The following PLCB1 variants were observed in gnomAD, a reference collection of about 807,000 sequenced individuals.
PLCB1 encodes 1-phosphatidylinositol 4,5-bisphosphate phosphodiesterase beta-1.
PLCB1 carries 46 observed loss-of-function variants against 161.8 expected under a neutral mutation model. The observed-to-expected ratio is 0.28, with a 90% CI of 0.22 to 0.36. The LOEUF is 0.36. PLCB1 is among the 10% of genes least tolerant of loss of function. The pLI is 1.00. For missense variants in PLCB1, 1,016 were observed against 1,472.5 expected (o/e 0.69, Z 5.07); for synonymous variants, 517 against 503.7 (o/e 1.03, Z -0.35).
At chr20:8,445,899 T>C (rs1198971839) in intron 3 of PLCB1, among the ~76,000 whole-genome samples, 1 of 152,234 alleles carries the variant, frequency 6.6e-6, no homozygotes, top group Non-Finnish European at 1.5e-5. Flanking sequence ...GTTGATTTTG[T>C]ATCCTGAGAC....
chr20:8,723,809 T>C (rs1432322202), intron 15 of PLCB1, among the ~76,000 whole-genome samples: 1 of 152,094 alleles, frequency 6.6e-6, no homozygotes, highest in South Asian at 2.1e-4. Flanking sequence ...CATTAATCCC[T>C]GCACTATGCT....
chr20:8,357,871 A>C (rs531890655), intron 2 of PLCB1, among the ~76,000 whole-genome samples: 6 of 152,176 alleles, frequency 3.9e-5, no homozygotes, highest in Admixed American at 6.5e-5. Context: ...TCTTTCTGGC[A>C]GCATTCTATG....
At chr20:8,223,239 C>G (rs376635644) in intron 2 of PLCB1, among the ~76,000 whole-genome samples, 1 of 152,132 alleles carries the variant, frequency 6.6e-6, no homozygotes, top group Non-Finnish European at 1.5e-5. Context: ...AGATAAACTG[C>G]CAAAACCCAG....
intron 2 of PLCB1, among the ~76,000 whole-genome samples, chr20:8,285,836 T>C (rs1337930205): frequency 6.6e-6 from 1 of 152,224 alleles, no homozygotes; most frequent in Non-Finnish European, 1.5e-5. Flanking sequence ...TGTGTTTATT[T>C]CTCAAGTGAG....
chr20:8,303,709 C>T (rs1458670133), intron 2 of PLCB1, among the ~76,000 whole-genome samples: 1 of 152,122 alleles, frequency 6.6e-6, no homozygotes, highest in Non-Finnish European at 1.5e-5. Context: ...GGCTGAAATC[C>T]ACCCTGTGCA....
intron 2 of PLCB1, among the ~76,000 whole-genome samples, chr20:8,310,071 G>A (rs577833873): frequency 6.6e-6 from 1 of 151,674 alleles, no homozygotes; most frequent in East Asian, 1.9e-4. Context: ...ACATTTCAGT[G>A]ATTAAAAGAG....
intron 18 of PLCB1, 139 bp from the exon 19 acceptor site, chr20:8,733,099 T>G: frequency 1.2e-6 from 1 of 837,696 alleles, no homozygotes; most frequent in Middle Eastern, 3.6e-4. Flanking sequence ...TTATCTGTGT[T>G]TCCTGCATTT....
intron 7 of PLCB1, among the ~76,000 whole-genome samples, chr20:8,656,349 A>G (rs1989455937): frequency 6.6e-6 from 1 of 152,066 alleles, no homozygotes; most frequent in South Asian, 2.1e-4. Flanking sequence ...CATTTGTATA[A>G]CTGTACATTT....
At chr20:8,433,128 G>A (rs558752985) in intron 3 of PLCB1, among the ~76,000 whole-genome samples, 4 of 152,278 alleles carry the variant, frequency 2.6e-5, no homozygotes, top group African/African-American at 9.6e-5. Flanking sequence ...GTTACAACAG[G>A]AAGCAAATTC....
At chr20:8,576,038 TACTC>T (rs1210917805) in intron 3 of PLCB1, among the ~76,000 whole-genome samples, 6 of 152,220 alleles carry the variant, frequency 3.9e-5, no homozygotes, top group South Asian at 4.1e-4. Flanking sequence ...AAATCATACA[TACTC>T]ACATGTTCAA....
At chr20:8,560,899 C>T (rs998703434) in intron 3 of PLCB1, among the ~76,000 whole-genome samples, 6 of 151,902 alleles carry the variant, frequency 3.9e-5, no homozygotes, top group Non-Finnish European at 8.8e-5. Flanking sequence ...GTGGCATTGT[C>T]GGATTTTCTC....
At chr20:8,814,059 C>A (rs895116228) in intron 31 of PLCB1, among the ~76,000 whole-genome samples, 1 of 152,056 alleles carries the variant, frequency 6.6e-6, no homozygotes, top group Non-Finnish European at 1.5e-5. Context: ...TTAGAAATGA[C>A]TTTTTCTTTT....
At chr20:8,489,997 G>T (rs996458510) in intron 3 of PLCB1, among the ~76,000 whole-genome samples, 1 of 151,986 alleles carries the variant, frequency 6.6e-6, no homozygotes, top group Non-Finnish European at 1.5e-5. Flanking sequence ...TCATTTTTGG[G>T]GTAAGATAGA....
intron 3 of PLCB1, among the ~76,000 whole-genome samples, chr20:8,537,794 G>A (rs542669249): frequency 1.3e-5 from 2 of 152,178 alleles, no homozygotes; most frequent in African/African-American, 2.4e-5. Context: ...ACACCCAGAG[G>A]AAATTTGGAA....
intron 3 of PLCB1, among the ~76,000 whole-genome samples, chr20:8,402,549 T>C (rs1978599111): frequency 6.6e-6 from 1 of 151,994 alleles, no homozygotes; most frequent in Admixed American, 6.6e-5. Flanking sequence ...AAAAATAGTT[T>C]CCAGGCCGGG....
At chr20:8,400,041 C>T (rs985850241) in intron 3 of PLCB1, among the ~76,000 whole-genome samples, 2 of 152,090 alleles carry the variant, frequency 1.3e-5, no homozygotes, top group East Asian at 1.9e-4. Context: ...TGCATCTGCC[C>T]TGTGCTTTTT....
At chr20:8,808,291 C>G (rs1402249751) in intron 31 of PLCB1, among the ~76,000 whole-genome samples, 1 of 152,120 alleles carries the variant, frequency 6.6e-6, no homozygotes, top group Admixed American at 6.5e-5. Context: ...GGAGGCTTCT[C>G]CTCTGGGTTT....
intron 7 of PLCB1, among the ~76,000 whole-genome samples, chr20:8,656,769 GA>G (rs901573793): frequency 2.5e-5 from 3 of 119,346 alleles, no homozygotes; most frequent in African/African-American, 6.2e-5. Flanking sequence ...CTTAAAAAAA[GA>G]AAAAAAAAGA....
chr20:8,723,630 T>A (rs1400677965), intron 15 of PLCB1, among the ~76,000 whole-genome samples: 1 of 152,188 alleles, frequency 6.6e-6, no homozygotes, highest in Admixed American at 6.5e-5. Flanking sequence ...ATAAATTAAC[T>A]TATTTTTTAA....
Sources: allele counts gnomAD v4.1 joint callset (sites outside exome capture counted in the v4.1 genomes callset), GRCh38; gene constraint gnomAD v4.1.1; transcripts MANE v1.5; gene names NCBI Gene and HGNC (gene_info 2026-07-23, HGNC 2026-07-21).